Variants in PACSIN2 observed in about 807,000 individuals in gnomAD.
PACSIN2 encodes the protein protein kinase C and casein kinase substrate in neurons protein 2.
PACSIN2 carries 25 observed loss-of-function variants against 63.8 expected under a neutral mutation model. The ratio of observed to expected loss-of-function variants is 0.39; its 90% CI spans 0.29 to 0.55. The LOEUF (loss-of-function observed/expected upper bound fraction) is 0.55. PACSIN2 is among the 20% of genes least tolerant of loss of function. The pLI, the probability that PACSIN2 is intolerant of heterozygous loss-of-function variation, is 0.62. For missense variants in PACSIN2, 518 were observed against 646.9 expected (o/e 0.80, Z 2.16); for synonymous variants, 255 against 256.2 (o/e 1.00, Z 0.05).
intron 10 of PACSIN2, among the ~76,000 whole-genome samples, chr22:42,875,395 G>C (rs1167986815): frequency 6.6e-6 from 1 of 151,938 alleles, no homozygotes; most frequent in Admixed American, 6.6e-5. Context: ...TTTGCGACAG[G>C]GTCTCGCTCT....
chr22:43,010,398 A>ATATATATATATATATATTT, intron 1 of PACSIN2, among the ~76,000 whole-genome samples: 27 of 126,396 alleles, frequency 2.1e-4, no homozygotes, highest in South Asian at 1.9e-3. Context: ...ATATATATAT[A>ATATATATATATATATATTT]TTTTTTTTTA....
intron 1 of PACSIN2, among the ~76,000 whole-genome samples, chr22:42,916,505 G>A (rs1931819153): frequency 1.3e-5 from 2 of 152,176 alleles, no homozygotes; most frequent in South Asian, 4.1e-4. Flanking sequence ...CCCTGCTCCG[G>A]GATATGAGCA....
At chr22:42,965,080 A>G (rs891973944) in intron 1 of PACSIN2, among the ~76,000 whole-genome samples, 2 of 152,246 alleles carry the variant, frequency 1.3e-5, no homozygotes, top group African/African-American at 4.8e-5. Context: ...ATCGGCGCAC[A>G]GCTGAAAACC....
intron 2 of PACSIN2, among the ~76,000 whole-genome samples, chr22:42,896,784 G>A (rs1052496508): frequency 6.6e-6 from 1 of 152,102 alleles, no homozygotes; most frequent in Non-Finnish European, 1.5e-5. Context: ...GTATTGCCAG[G>A]GTGTTTTGTT....
intron 1 of PACSIN2, among the ~76,000 whole-genome samples, chr22:43,010,400 T>TA (rs1569377806): frequency 2.3e-4 from 10 of 44,032 alleles, no homozygotes; most frequent in African/African-American, 5.5e-4. Flanking sequence ...ATATATATAT[T>TA]TTTTTTTAAT....
At chr22:43,000,277 A>G (rs1923682499) in intron 1 of PACSIN2, among the ~76,000 whole-genome samples, 1 of 152,230 alleles carries the variant, frequency 6.6e-6, no homozygotes, top group South Asian at 2.1e-4. Flanking sequence ...AGCAGGATGC[A>G]CAGGGAGTGG....
chr22:42,949,460 G>A (rs769869806), intron 1 of PACSIN2, among the ~76,000 whole-genome samples: 6 of 151,582 alleles, frequency 4.0e-5, no homozygotes, highest in African/African-American at 4.9e-5. Context: ...ACACACACGC[G>A]CGCGCACGCA....
chr22:42,965,466 G>C (rs1252411737), intron 1 of PACSIN2, among the ~76,000 whole-genome samples: 1 of 152,182 alleles, frequency 6.6e-6, no homozygotes, highest in Non-Finnish European at 1.5e-5. Flanking sequence ...GAGAAAACAG[G>C]AGAAAAGGAA....
rs377311424 is a variant in PACSIN2, at chr22:42,972,064, G to C, written c.-78+42957C>G. On this transcript the variant is annotated intron_variant, in intron 1 of 10. Coordinates refer to ENST00000263246, the MANE Select transcript of PACSIN2 (RefSeq NM_001184970.3). The stretch of plus-strand genomic sequence containing the variant: ...ATGACAATGGCGGTTTTGTCCAATG[G>C]GGGGGGGAAATGTGGGGAAAAGAAA... Among the ~76,000 whole-genome samples, 290 of 151,994 alleles carry C rather than the reference G, an allele frequency of 1.9e-3. 3 individuals carry two copies. Among genetic ancestry groups the C allele is most frequent in the Non-Finnish European group, 2.0e-3 (136 of 67,914 alleles).
chr22:42,958,132 A>C (rs1439220430), intron 1 of PACSIN2, among the ~76,000 whole-genome samples: 1 of 152,150 alleles, frequency 6.6e-6, no homozygotes, highest in Non-Finnish European at 1.5e-5. Flanking sequence ...TATTCATCTT[A>C]AGATAATAAT....
intron 1 of PACSIN2, among the ~76,000 whole-genome samples, chr22:42,912,861 C>T (rs1199162039): frequency 6.6e-6 from 1 of 152,212 alleles, no homozygotes; most frequent in Non-Finnish European, 1.5e-5. Flanking sequence ...ACCCTGTGTT[C>T]AGATCACACA....
intron 1 of PACSIN2, among the ~76,000 whole-genome samples, chr22:43,013,692 G>C (rs549157797): frequency 6.6e-6 from 1 of 152,324 alleles, no homozygotes; most frequent in African/African-American, 2.4e-5. Context: ...CGCAGAGGAA[G>C]GCACCGAAAA....
At chr22:42,893,376 G>T in intron 3 of PACSIN2, 81 bp downstream of exon 3, 1 of 1,408,220 alleles carries the variant, frequency 7.1e-7, no homozygotes, top group Non-Finnish European at 9.9e-7. Context: ...AACTGGCATA[G>T]AGAGGGTCAC....
At chr22:42,958,774 A>G (rs960331049) in intron 1 of PACSIN2, among the ~76,000 whole-genome samples, 1 of 152,248 alleles carries the variant, frequency 6.6e-6, no homozygotes, top group African/African-American at 2.4e-5. Context: ...AGGCTGCACC[A>G]GCACAGTATT....
intron 1 of PACSIN2, among the ~76,000 whole-genome samples, chr22:42,924,600 C>T (rs1932410897): frequency 6.6e-6 from 1 of 152,078 alleles, no homozygotes; most frequent in Non-Finnish European, 1.5e-5. Flanking sequence ...TGCTCTCCAA[C>T]CCGCCACCAC....
In PACSIN2 at chr22:42,917,631, CAA is replaced by C. The variant is rs10715107; in HGVS notation, c.-77-5476_-77-5475del. Among the ~76,000 whole-genome samples the C allele has an allele frequency of 9.4e-5, 14 of 149,174 alleles. No individual in the cohort carries two copies. The South Asian group carries it at 2.1e-3, about 23-fold the overall frequency. On this transcript the variant is annotated intron_variant, in intron 1 of 10. Transcript: ENST00000263246. The stretch of plus-strand genomic sequence containing the variant: ...CCCTATCTCAAAAAAACCAACCAAA[CAA>C]AAAAAAAAGTGAACACGCACTGCTC...
chr22:43,009,634 G>A (rs1924321383), intron 1 of PACSIN2, among the ~76,000 whole-genome samples: 1 of 152,168 alleles, frequency 6.6e-6, no homozygotes, highest in South Asian at 2.1e-4. Context: ...GTCAGGGAAA[G>A]GCTGGACAAG....
At chr22:42,925,459 G>T (rs1357957649) in intron 1 of PACSIN2, among the ~76,000 whole-genome samples, 1 of 150,238 alleles carries the variant, frequency 6.7e-6, no homozygotes, top group African/African-American at 2.5e-5. Context: ...CAGCCTGGGC[G>T]ACAGAGCAAG....
At chr22:42,972,062 T>TGG (rs111595676) in intron 1 of PACSIN2, among the ~76,000 whole-genome samples, 8 of 149,916 alleles carry the variant, frequency 5.3e-5, no homozygotes, top group African/African-American at 1.5e-4. Context: ...TTTTGTCCAA[T>TGG]GGGGGGGGGA....
Sources: gnomAD v4.1 joint callset for allele counts (sites outside exome capture counted in the v4.1 genomes callset) on GRCh38, gnomAD v4.1.1 for gene constraint, MANE v1.5 for transcripts, NCBI Gene and HGNC (gene_info 2026-07-23, HGNC 2026-07-21) for gene names.